PACRG: variants seen among roughly 807,000 people sequenced by gnomAD.
PACRG encodes the protein parkin coregulated, also known as parkin coregulated gene protein.
In PACRG, 29 loss-of-function variants were observed where a neutral mutation model predicts 29.7. The observed-to-expected ratio is 0.98, with a 90% CI of 0.73 to 1.33. The LOEUF (loss-of-function observed/expected upper bound fraction) is 1.33. Among genes scored for constraint, PACRG ranks in the 40% most tolerant of loss-of-function variants. The pLI, the probability that PACRG is intolerant of heterozygous loss-of-function variation, is 0.00. For synonymous variants in PACRG, 116 were observed against 118.7 expected (o/e 0.98, Z 0.15); for missense variants, 279 against 316.2 (o/e 0.88, Z 0.89).
intron 2 of PACRG, among the ~76,000 whole-genome samples, chr6:162,912,589 T>G (rs1324366023): frequency 6.6e-6 from 1 of 150,400 alleles, no homozygotes; most frequent in Non-Finnish European, 1.5e-5. Context: ...TTTTTTTTTT[T>G]GAGATGGAGT....
chr6:162,833,905 C>T (rs9295200), intron 2 of PACRG, among the ~76,000 whole-genome samples: 38,740 of 151,802 alleles, frequency 0.26, 6,359 homozygotes, highest in African/African-American at 0.44. Flanking sequence ...TGTAACTGTA[C>T]AGTTCAAGTT....
chr6:163,127,733 A>G (rs963208574), intron 4 of PACRG, among the ~76,000 whole-genome samples: 6 of 152,328 alleles, frequency 3.9e-5, no homozygotes, highest in Non-Finnish European at 8.8e-5. Flanking sequence ...AGTTTATCGT[A>G]AAGTCTTGTC....
intron 2 of PACRG, among the ~76,000 whole-genome samples, chr6:162,897,958 A>T (rs182160231): frequency 2.6e-5 from 4 of 152,334 alleles, no homozygotes; most frequent in Admixed American, 6.5e-5. Flanking sequence ...CCTGATGTGA[A>T]GGAATCTGCA....
At chr6:162,868,326 C>T (rs919839513) in intron 2 of PACRG, among the ~76,000 whole-genome samples, 12 of 152,204 alleles carry the variant, frequency 7.9e-5, no homozygotes, top group African/African-American at 2.9e-4. Flanking sequence ...ACTTTTTTGA[C>T]CTCAGTTTTG....
chr6:162,859,848 G>C (rs1430930856), intron 2 of PACRG, among the ~76,000 whole-genome samples: 3 of 152,072 alleles, frequency 2.0e-5, no homozygotes, highest in African/African-American at 4.8e-5. Context: ...CTGGGTCTTT[G>C]GGTCTTAATT....
In PACRG at chr6:163,218,354, C is replaced by G. The variant is rs528935942; in HGVS notation, c.614-96473C>G. Among the ~76,000 whole-genome samples the G allele has an allele frequency of 4.3e-4, 66 of 152,256 alleles. No individual in the cohort carries two copies. The South Asian group carries it at 0.013, about 31-fold the overall frequency. On this transcript the variant is annotated intron_variant, in intron 4 of 4. Transcript: ENST00000366888. ...CAAGAAGTTAATTTCTATAATTATT[C>G]CACTTTCTACTGCAATTTTCATGCT...
chr6:163,215,710 C>G (rs1350621929), intron 4 of PACRG, among the ~76,000 whole-genome samples: 2 of 152,020 alleles, frequency 1.3e-5, no homozygotes, highest in Non-Finnish European at 2.9e-5. Flanking sequence ...AAAGCAATGA[C>G]GAGTAATGGC....
At chr6:162,958,874 TATATATATATAGAG>T (rs1433513103) in intron 2 of PACRG, among the ~76,000 whole-genome samples, 18 of 44,830 alleles carry the variant, frequency 4.0e-4, no homozygotes, top group Admixed American at 2.2e-3. Context: ...TATATATATA[TATATATATATAGAG>T]AGAGAGAGAG....
chr6:163,065,770 C>T (rs1408005), intron 3 of PACRG, among the ~76,000 whole-genome samples: 5,688 of 152,176 alleles, frequency 0.037, 381 homozygotes, highest in African/African-American at 0.13. Flanking sequence ...AAAAGAAGTC[C>T]ATTTTGAACA....
chr6:162,743,284 T>C (rs908718751), intron 1 of PACRG, among the ~76,000 whole-genome samples: 3 of 152,172 alleles, frequency 2.0e-5, no homozygotes, highest in Non-Finnish European at 2.9e-5. Context: ...TAAACAATTA[T>C]TTTCATTGTA....
chr6:163,136,149 T>C (rs938836218), intron 4 of PACRG, among the ~76,000 whole-genome samples: 2 of 152,214 alleles, frequency 1.3e-5, no homozygotes, highest in East Asian at 3.8e-4. Context: ...CGGATTTTTG[T>C]ACCTTGATTA....
At chr6:163,156,696 G>A (rs1778333732) in intron 4 of PACRG, among the ~76,000 whole-genome samples, 1 of 152,178 alleles carries the variant, frequency 6.6e-6, no homozygotes, top group Non-Finnish European at 1.5e-5. Context: ...GGTCATACAG[G>A]ACTAAAATCG....
chr6:162,856,473 T>G (rs143474868), intron 2 of PACRG, among the ~76,000 whole-genome samples: 102 of 152,302 alleles, frequency 6.7e-4, no homozygotes, highest in Non-Finnish European at 1.2e-3. Context: ...TTCAACATGA[T>G]GAAGGTCCAA....
chr6:162,887,032 C>G (rs1345127701), intron 2 of PACRG, among the ~76,000 whole-genome samples: 1 of 152,044 alleles, frequency 6.6e-6, no homozygotes, highest in Non-Finnish European at 1.5e-5. Flanking sequence ...CTCAGCCTCC[C>G]GAGTAGCTGG....
intron 4 of PACRG, among the ~76,000 whole-genome samples, chr6:163,216,914 C>T (rs1364182735): frequency 6.6e-6 from 1 of 152,218 alleles, no homozygotes; most frequent in Non-Finnish European, 1.5e-5. Flanking sequence ...CTTGCATTGT[C>T]TAATTAAATC....
chr6:163,293,426 C>T (rs768742705), intron 4 of PACRG, among the ~76,000 whole-genome samples: 3 of 152,204 alleles, frequency 2.0e-5, no homozygotes, highest in South Asian at 2.1e-4. Flanking sequence ...AGCAATACAA[C>T]GGAGTGAAGC....
chr6:163,259,422 C>T (rs979668945), intron 4 of PACRG, among the ~76,000 whole-genome samples: 1 of 152,194 alleles, frequency 6.6e-6, no homozygotes, highest in Admixed American at 6.5e-5. Flanking sequence ...TGGTATCGTC[C>T]TGTGTCCCTC....
At chr6:162,973,108 G>C (rs1801665291) in intron 2 of PACRG, among the ~76,000 whole-genome samples, 1 of 152,180 alleles carries the variant, frequency 6.6e-6, no homozygotes, top group South Asian at 2.1e-4. Flanking sequence ...TTTGTTCCTA[G>C]TACGGTAAAG....
intron 2 of PACRG, among the ~76,000 whole-genome samples, chr6:162,864,161 T>C (rs1430184410): frequency 6.6e-6 from 1 of 152,210 alleles, no homozygotes; most frequent in Non-Finnish European, 1.5e-5. Flanking sequence ...TTGTGTGGTG[T>C]GTTCCCTGTT....
Sources: gnomAD v4.1 joint callset for allele counts (sites outside exome capture counted in the v4.1 genomes callset) on GRCh38, gnomAD v4.1.1 for gene constraint, MANE v1.5 for transcripts, NCBI Gene and HGNC (gene_info 2026-07-23, HGNC 2026-07-21) for gene names.